The following SULT1C3 variants were observed in gnomAD, a reference collection of about 807,000 sequenced individuals.
The protein encoded by SULT1C3 is sulfotransferase 1C3.
A neutral mutation model predicts 28.4 loss-of-function variants in SULT1C3; 31 were observed. The observed-to-expected ratio is 1.09, with a 90% confidence interval of 0.82 to 1.47. The LOEUF is 1.47. Ranked by LOEUF, SULT1C3 falls within the 40% of genes most tolerant of loss-of-function variation. The probability of loss-of-function intolerance (pLI) is 0.00; values close to 1 mark genes in which losing one functional copy is unlikely to be tolerated. For synonymous variants in SULT1C3, 106 were observed against 92.2 expected, an observed-to-expected ratio of 1.15 and a Z score of -0.86; for missense variants, 307 against 272.5, an observed-to-expected ratio of 1.13 and a Z score of -0.89.
intron 1 of SULT1C3, among the ~76,000 whole-genome samples, chr2:108,243,816 G>C (rs1675523203): frequency 6.6e-6 from 1 of 152,100 alleles, no homozygotes; most frequent in African/African-American, 2.4e-5. Flanking sequence ...GAATCAGCTA[G>C]CACCACCCGA....
At chr2:108,243,798 C>T (rs1675523003) in intron 1 of SULT1C3, among the ~76,000 whole-genome samples, 1 of 152,144 alleles carries the variant, frequency 6.6e-6, no homozygotes, top group Non-Finnish European at 1.5e-5. Context: ...GTAAACTCTA[C>T]CCTTGATGAA....
chr2:108,243,427 C>T (rs892256062), intron 1 of SULT1C3, among the ~76,000 whole-genome samples: 16 of 151,940 alleles, frequency 1.1e-4, no homozygotes, highest in African/African-American at 3.4e-4. Flanking sequence ...GTCAGGAGAT[C>T]GAGACCACCC....
downstream of SULT1C3, among the ~76,000 whole-genome samples, chr2:108,263,590 A>G (rs1558668250): frequency 1.3e-5 from 2 of 152,140 alleles, no homozygotes. Flanking sequence ...GGGGAGGTCT[A>G]TTTGTTCCCA....
chr2:108,242,097 C>G (rs1406189065), intron 1 of SULT1C3, among the ~76,000 whole-genome samples: 1 of 152,142 alleles, frequency 6.6e-6, no homozygotes, highest in Non-Finnish European at 1.5e-5. Flanking sequence ...AATATACAAC[C>G]TGGGAACATT....
intron 7 of SULT1C3, among the ~76,000 whole-genome samples, chr2:108,260,276 G>A (rs1675988307): frequency 6.6e-6 from 1 of 152,246 alleles, no homozygotes; most frequent in South Asian, 2.1e-4. Context: ...TTTGGGTTGG[G>A]TACACTAGAG....
chr2:108,264,423 G>A (rs1676086301), downstream of SULT1C3, among the ~76,000 whole-genome samples: 1 of 152,138 alleles, frequency 6.6e-6, no homozygotes, highest in African/African-American at 2.4e-5. Context: ...AAATACTAGA[G>A]TTAGTTATAC....
intron 5 of SULT1C3, among the ~76,000 whole-genome samples, chr2:108,257,766 T>C (rs976519177): frequency 1.3e-5 from 2 of 152,068 alleles, no homozygotes; most frequent in African/African-American, 4.8e-5. Flanking sequence ...TATTATCATA[T>C]AATTTGGTAC....
At position 108,257,520 on chromosome 2, in the gene SULT1C3, T is replaced by C. The variant is rs1001079117; in HGVS notation, c.527-1214T>C. 2.3e-4 allele frequency among the ~76,000 whole-genome samples: 35 copies of C among 151,992 alleles called. 2 individuals carry two copies. The highest frequency in any genetic ancestry group is 1.9e-4 in the East Asian group (1 of 5,176). On this transcript the variant is annotated intron_variant, in intron 5 of 7. Coordinates refer to ENST00000681802, the MANE Select transcript of SULT1C3 (RefSeq NM_001320878.2). ...ATGGATGAGTCCCCTTTATACTTGG[T>C]TTCCCTTTCTGCAGTTTTAGTCACC...
At chr2:108,256,740 CAG>C (rs1675876925) in intron 5 of SULT1C3, among the ~76,000 whole-genome samples, 1 of 152,026 alleles carries the variant, frequency 6.6e-6, no homozygotes. Context: ...TGAATAAAAA[CAG>C]ATATCTGTGG....
At chr2:108,251,034 C>T (rs574632823) in intron 2 of SULT1C3, among the ~76,000 whole-genome samples, 1 of 151,980 alleles carries the variant, frequency 6.6e-6, no homozygotes, top group African/African-American at 2.4e-5. Flanking sequence ...GTAATTTTTA[C>T]CACACTGAAG....
intron 2 of SULT1C3, among the ~76,000 whole-genome samples, chr2:108,251,617 G>A (rs546936506): frequency 6.6e-6 from 1 of 151,810 alleles, no homozygotes; most frequent in African/African-American, 2.4e-5. Flanking sequence ...GGAAATAGAG[G>A]AACAAAAATG....
intron 1 of SULT1C3, among the ~76,000 whole-genome samples, chr2:108,240,423 A>G (rs1675439947): frequency 6.6e-6 from 1 of 152,206 alleles, no homozygotes; most frequent in Admixed American, 6.5e-5. Flanking sequence ...TGAATATAGC[A>G]ATTCCCATAA....
Position 108,240,076 on chromosome 2 carries a change from G to A in SULT1C3, c.-15G>A, listed in dbSNP as rs1466212. Among the ~76,000 whole-genome samples, 38,027 of 152,112 alleles carry A rather than the reference G, an allele frequency of 0.25. 5,587 individuals carry two copies. Among genetic ancestry groups the A allele is most frequent in the East Asian group, 0.7 (3,631 of 5,162 alleles). ...GCAAGCTGCTTCCTCTGCTGCCTGA[G>A]ATACCAGGTAAGCCTCACCCTCTTA... is the stretch of plus-strand genomic sequence containing the variant. On this transcript the variant is annotated 5_prime_UTR_variant, in exon 1 of 8. Coordinates refer to ENST00000681802, the MANE Select transcript of SULT1C3 (RefSeq NM_001320878.2).
At chr2:108,256,033 T>G (rs562370963) in intron 5 of SULT1C3, among the ~76,000 whole-genome samples, 1 of 152,102 alleles carries the variant, frequency 6.6e-6, no homozygotes, top group Middle Eastern at 3.4e-3. Context: ...ATCCTGCGGT[T>G]TCATCTTGCA....
At chr2:108,244,641 A>G (rs1212547765) in intron 1 of SULT1C3, among the ~76,000 whole-genome samples, 1 of 152,160 alleles carries the variant, frequency 6.6e-6, no homozygotes, top group Non-Finnish European at 1.5e-5. Flanking sequence ...AGGGCAAATA[A>G]CTGAGTTAAA....
Position 108,256,979 on chromosome 2 carries a change from C to A in SULT1C3, c.526+1281C>A, listed in dbSNP as rs376178564. Among the ~76,000 whole-genome samples the A allele has an allele frequency of 3.3e-5, 5 of 151,962 alleles. No homozygotes were observed. The East Asian group carries it at 9.7e-4, about 29-fold the overall frequency. On this transcript the variant is annotated intron_variant, in intron 5 of 7. Coordinates refer to ENST00000681802, the MANE Select transcript of SULT1C3 (RefSeq NM_001320878.2). ...GGAGGAAGCAGAGGAAGACAGGATCCAAGCTTCTTTTCTTATATGATTTTT... is the reference window on the plus strand; with the variant it reads ...GGAGGAAGCAGAGGAAGACAGGATCAAAGCTTCTTTTCTTATATGATTTTT...
chr2:108,265,054 C>T, downstream of SULT1C3: 1 of 1,549,334 alleles, frequency 6.5e-7, no homozygotes, highest in Non-Finnish European at 8.7e-7. Context: ...CTGTGGTCCC[C>T]ATGGTCTGCT....
intron 7 of SULT1C3, among the ~76,000 whole-genome samples, chr2:108,260,293 G>A (rs1675989091): frequency 6.6e-6 from 1 of 152,154 alleles, no homozygotes; most frequent in African/African-American, 2.4e-5. Context: ...AGAGCCAGGA[G>A]TGTACCCTGG....
intron 2 of SULT1C3, among the ~76,000 whole-genome samples, chr2:108,248,036 G>T (rs1675630347): frequency 6.6e-6 from 1 of 152,166 alleles, no homozygotes; most frequent in African/African-American, 2.4e-5. Context: ...TATGCAAGGG[G>T]AATGTACTAC....
Sources: gnomAD v4.1 joint callset for allele counts (sites outside exome capture counted in the v4.1 genomes callset) on GRCh38, gnomAD v4.1.1 for gene constraint, MANE v1.5 for transcripts, NCBI Gene and HGNC (gene_info 2026-07-23, HGNC 2026-07-21) for gene names.